GRAMD2B: variants seen among roughly 807,000 people sequenced by gnomAD.
The protein encoded by GRAMD2B is GRAM domain-containing protein 2B.
Under a neutral mutation model 59.2 loss-of-function variants are expected in GRAMD2B, and 41 were observed. The ratio of observed to expected loss-of-function variants is 0.69; its 90% CI spans 0.54 to 0.90. The LOEUF (loss-of-function observed/expected upper bound fraction) is 0.90, where lower values mean the gene tolerates loss of function less well. Among genes scored for constraint, GRAMD2B ranks in the 40% least tolerant of loss-of-function variants. GRAMD2B has a pLI of 0.00. For missense variants in GRAMD2B, 424 were observed against 500.5 expected, an observed-to-expected ratio of 0.85 and a Z score of 1.46; for synonymous variants, 161 against 182.7, an observed-to-expected ratio of 0.88 and a Z score of 0.96.
At chr5:126,399,576 C>T (rs1277270777) in intron 1 of GRAMD2B, among the ~76,000 whole-genome samples, 2 of 152,130 alleles carry the variant, frequency 1.3e-5, no homozygotes, top group Non-Finnish European at 2.9e-5. Context: ...TGCCTGAGGC[C>T]TCCCCAGACA....
chr5:126,365,411 ATATGCAATAACCAC>A (rs1400747157), intron 1 of GRAMD2B, among the ~76,000 whole-genome samples: 5 of 152,270 alleles, frequency 3.3e-5, no homozygotes, highest in Non-Finnish European at 5.9e-5. Flanking sequence ...CAAAGGCAGA[ATATGCAATAACCAC>A]TATGCAATTT....
intron 1 of GRAMD2B, among the ~76,000 whole-genome samples, chr5:126,399,245 G>A (rs2149736373): frequency 6.6e-6 from 1 of 152,164 alleles, no homozygotes; most frequent in East Asian, 1.9e-4. Flanking sequence ...CTTTAGATCT[G>A]TCAATATTTG....
chr5:126,461,037 G>A (rs990863807), intron 1 of GRAMD2B, among the ~76,000 whole-genome samples: 4 of 152,048 alleles, frequency 2.6e-5, no homozygotes, highest in African/African-American at 9.7e-5. Flanking sequence ...TTAACATGTG[G>A]GTAGACTCAA....
chr5:126,425,884 G>A (rs1361768958), intron 1 of GRAMD2B, among the ~76,000 whole-genome samples: 1 of 152,192 alleles, frequency 6.6e-6, no homozygotes, highest in African/African-American at 2.4e-5. Context: ...AGGGAATAGG[G>A]AGTTGATCAG....
intron 8 of GRAMD2B, among the ~76,000 whole-genome samples, chr5:126,481,781 C>T (rs1771887887): frequency 6.6e-6 from 1 of 152,042 alleles, no homozygotes. Context: ...GCCTGGCCAA[C>T]ATATTGAAAC....
intron 1 of GRAMD2B, among the ~76,000 whole-genome samples, chr5:126,377,946 G>A (rs999251871): frequency 2.0e-5 from 3 of 151,974 alleles, no homozygotes; most frequent in African/African-American, 7.3e-5. Flanking sequence ...TCTTTTTATT[G>A]CCTAGTCAAG....
At chr5:126,455,321 A>T (rs907573757) in intron 1 of GRAMD2B, among the ~76,000 whole-genome samples, 1 of 152,178 alleles carries the variant, frequency 6.6e-6, no homozygotes, top group African/African-American at 2.4e-5. Context: ...AAAAATCTTC[A>T]ATTAATACCT....
At chr5:126,452,121 G>A (rs940900479) in intron 1 of GRAMD2B, among the ~76,000 whole-genome samples, 6 of 152,134 alleles carry the variant, frequency 3.9e-5, no homozygotes, top group Admixed American at 2.0e-4. Flanking sequence ...CAAATGGACT[G>A]ACATTCTTGT....
At chr5:126,480,323 T>C (rs901784891) in intron 6 of GRAMD2B, 133 bp from the exon 7 acceptor site, 1 of 602,980 alleles carries the variant, frequency 1.7e-6, no homozygotes, top group Admixed American at 3.1e-5. Context: ...GTGAGAGGAA[T>C]GAGAATATAG....
rs192953884 is a variant in GRAMD2B at position 126,468,423 on chromosome 5, T to C, written c.204-1254T>C. Among the ~76,000 whole-genome samples the C allele has an allele frequency of 1.8e-3, 270 of 152,348 alleles. 1 individual carries two copies. Among genetic ancestry groups the C allele is most frequent in the African/African-American group, 6.1e-3 (254 of 41,598 alleles). On this transcript the variant is annotated intron_variant, in intron 2 of 13. Transcript: ENST00000285689. ...CATACCCAATTCTTGCTTATCCTGT[T>C]AGGCCCAGCATTTTAAGCCCACATT...
intron 1 of GRAMD2B, among the ~76,000 whole-genome samples, chr5:126,364,801 C>T (rs980677004): frequency 5.9e-5 from 9 of 152,216 alleles, no homozygotes; most frequent in Non-Finnish European, 1.3e-4. Flanking sequence ...TCAAAAACAT[C>T]TTGGCCAGTG....
intron 1 of GRAMD2B, among the ~76,000 whole-genome samples, chr5:126,450,003 T>C (rs1765042194): frequency 6.6e-6 from 1 of 152,082 alleles, no homozygotes; most frequent in African/African-American, 2.4e-5. Flanking sequence ...AACTTTTAAC[T>C]CTGCTACAAT....
intron 1 of GRAMD2B, chr5:126,360,495 G>A: frequency 6.5e-7 from 1 of 1,542,036 alleles, no homozygotes; most frequent in Non-Finnish European, 8.8e-7. Context: ...AAAACCATTT[G>A]GGAGTGGAGT....
At chr5:126,407,279 G>GT (rs1758342571) in intron 1 of GRAMD2B, among the ~76,000 whole-genome samples, 1 of 152,038 alleles carries the variant, frequency 6.6e-6, no homozygotes, top group Non-Finnish European at 1.5e-5. Context: ...ATCAACAAAT[G>GT]TTACAGACAG....
At chr5:126,418,438 T>C (rs550885035), upstream of GRAMD2B, among the ~76,000 whole-genome samples, 24 of 152,368 alleles carry the variant, frequency 1.6e-4, no homozygotes, top group African/African-American at 5.5e-4. Context: ...CTCTGGCCCC[T>C]GGACCAGTAA....
intron 1 of GRAMD2B, among the ~76,000 whole-genome samples, chr5:126,364,466 T>C (rs756901334): frequency 5.3e-5 from 8 of 152,232 alleles, no homozygotes; most frequent in Non-Finnish European, 1.0e-4. Context: ...GTGTAGGTTG[T>C]AGGATCGCTT....
At chr5:126,391,706 T>A (rs1350802831) in intron 1 of GRAMD2B, among the ~76,000 whole-genome samples, 2 of 152,112 alleles carry the variant, frequency 1.3e-5, no homozygotes, top group African/African-American at 4.8e-5. Context: ...AATAGGCAAA[T>A]CTATAGTGAT....
intron 1 of GRAMD2B, among the ~76,000 whole-genome samples, chr5:126,430,363 T>C (rs1761365104): frequency 6.6e-6 from 1 of 152,194 alleles, no homozygotes; most frequent in Non-Finnish European, 1.5e-5. Context: ...GTAACAACTT[T>C]ATTGAGTTTT....
chr5:126,478,140 G>GAAAAAAAAAA (rs11376080), intron 6 of GRAMD2B, among the ~76,000 whole-genome samples: 1 of 126,874 alleles, frequency 7.9e-6, no homozygotes, highest in African/African-American at 3.0e-5. Context: ...GTCTTAAAGG[G>GAAAAAAAAAA]AAAAAAAAAA....
Sources: gnomAD v4.1 joint callset for allele counts (sites outside exome capture counted in the v4.1 genomes callset) on GRCh38, gnomAD v4.1.1 for gene constraint, MANE v1.5 for transcripts, NCBI Gene and HGNC (gene_info 2026-07-23, HGNC 2026-07-21) for gene names.